The following TMEM278 variants were observed in gnomAD, a reference collection of about 807,000 sequenced individuals.
The protein encoded by TMEM278 is transmembrane protein 278, also known as transmembrane protein 88B.
chr1:1,426,622 AG>A, the TMEM278 span, among the ~76,000 whole-genome samples: 1 of 152,036 alleles, frequency 6.6e-6, no homozygotes, highest in Non-Finnish European at 1.5e-5. Flanking sequence ...GCCTTGTACC[AG>A]GGGCCACCAG....
the TMEM278 span, among the ~76,000 whole-genome samples, chr1:1,428,374 G>A: frequency 1.2e-4 from 19 of 152,152 alleles, no homozygotes; most frequent in Admixed American, 5.2e-4. Flanking sequence ...CAGGGGTGGC[G>A]GCAGCCGGGC....
the TMEM278 span, chr1:1,426,015 G>C: frequency 1.6e-6 from 2 of 1,260,166 alleles, no homozygotes; most frequent in East Asian, 3.1e-5. Context: ...TCTGGCTGGG[G>C]GATGTGGACT....
chr1:1,427,151 G>T, the TMEM278 span, among the ~76,000 whole-genome samples: 3 of 126,500 alleles, frequency 2.4e-5, no homozygotes, highest in Non-Finnish European at 3.3e-5. Flanking sequence ...CATCTCTATC[G>T]CCCACTCCTC....
At chr1:1,427,920 ACCCCGG>A in the TMEM278 span, 3 of 731,612 alleles carry the variant, frequency 4.1e-6, no homozygotes. Flanking sequence ...CCGGCTTACG[ACCCCGG>A]CCTCCCCCGC....
the TMEM278 span, chr1:1,426,245 G>C: frequency 6.7e-7 from 1 of 1,483,604 alleles, no homozygotes; most frequent in Non-Finnish European, 9.0e-7. Context: ...GACGTGCCCA[G>C]GGTGGTCGGG....
At chr1:1,427,654 T>C in the TMEM278 span, 1 of 1,344,216 alleles carries the variant, frequency 7.4e-7, no homozygotes, top group Non-Finnish European at 9.6e-7. Context: ...CCGCTGCTGG[T>C]GCTCGCCTCG....
At chr1:1,426,525 T>G in the TMEM278 span, 3 of 655,340 alleles carry the variant, frequency 4.6e-6, no homozygotes, top group Non-Finnish European at 6.8e-6. Context: ...CAGCCCCTTC[T>G]CCCAAGCACC....
At chr1:1,428,224 G>A in the TMEM278 span, among the ~76,000 whole-genome samples, 1 of 151,076 alleles carries the variant, frequency 6.6e-6, no homozygotes, top group Non-Finnish European at 1.5e-5. Context: ...GCAGAGCCCG[G>A]CAGGCAGCCC....
the TMEM278 span, among the ~76,000 whole-genome samples, chr1:1,425,899 G>C: frequency 1.3e-5 from 2 of 152,206 alleles, no homozygotes; most frequent in African/African-American, 2.4e-5. Context: ...TGGGGCTGGA[G>C]ACTGGCGCTG....
the TMEM278 span, chr1:1,427,909 C>A: frequency 1.4e-5 from 14 of 990,800 alleles, no homozygotes; most frequent in Non-Finnish European, 1.7e-5. Context: ...GCGCAGCGCT[C>A]CCGGCTTACG....
the TMEM278 span, among the ~76,000 whole-genome samples, chr1:1,430,057 C>T: frequency 6.6e-6 from 1 of 152,170 alleles, no homozygotes; most frequent in Non-Finnish European, 1.5e-5. Context: ...GGGGTCTCAT[C>T]ATGTTGCCCA....
At chr1:1,429,656 T>C in the TMEM278 span, among the ~76,000 whole-genome samples, 1 of 152,190 alleles carries the variant, frequency 6.6e-6, no homozygotes, top group African/African-American at 2.4e-5. Flanking sequence ...TTGGGGATGC[T>C]TCCCTCCAGA....
chr1:1,427,093 GC>G, the TMEM278 span, among the ~76,000 whole-genome samples: 1 of 102,400 alleles, frequency 9.8e-6, no homozygotes, highest in African/African-American at 3.6e-5. Context: ...CCCTCTTCCC[GC>G]CCTGCTCAGC....
chr1:1,427,905 C>A, the TMEM278 span: 7 of 1,011,784 alleles, frequency 6.9e-6, no homozygotes, highest in South Asian at 9.7e-5. Context: ...GGGCGCGCAG[C>A]GCTCCCGGCT....
chr1:1,430,208 T>C, the TMEM278 span, among the ~76,000 whole-genome samples: 2 of 152,228 alleles, frequency 1.3e-5, no homozygotes, highest in African/African-American at 4.8e-5. Context: ...ATATTTACTT[T>C]CTTGGAAACA....
the TMEM278 span, chr1:1,427,929 TCCCCCGCCCGCAGCCCCGC>T: frequency 5.2e-6 from 3 of 577,278 alleles, no homozygotes. Context: ...GACCCCGGCC[TCCCCCGCCCGCAGCCCCGC>T]CCCCGCCACG....
chr1:1,426,182 G>A, the TMEM278 span: 18 of 1,417,770 alleles, frequency 1.3e-5, no homozygotes, highest in African/African-American at 3.0e-5. Flanking sequence ...TGGTGCTTCC[G>A]ACACAGCGCC....
At chr1:1,427,176 CCCCTCCGTCT>C in the TMEM278 span, among the ~76,000 whole-genome samples, 1 of 148,914 alleles carries the variant, frequency 6.7e-6, no homozygotes, top group Non-Finnish European at 1.5e-5. Flanking sequence ...CCGCCCTGCA[CCCCTCCGTCT>C]CCCTTTGCCG....
the TMEM278 span, chr1:1,427,908 T>C: frequency 5.6e-5 from 52 of 931,036 alleles, no homozygotes; most frequent in Non-Finnish European, 6.5e-5. Context: ...CGCGCAGCGC[T>C]CCCGGCTTAC....
Sources: allele counts gnomAD v4.1 joint callset (sites outside exome capture counted in the v4.1 genomes callset), GRCh38; gene constraint gnomAD v4.1.1; transcripts MANE v1.5; gene names NCBI Gene and HGNC (gene_info 2026-07-23, HGNC 2026-07-21).